The following PLEKHG1 variants were observed in gnomAD, a reference collection of about 807,000 sequenced individuals.
PLEKHG1 encodes the protein pleckstrin homology domain-containing family G member 1.
A neutral mutation model predicts 100.8 loss-of-function variants in PLEKHG1; 44 were observed. The observed-to-expected ratio is 0.44, with a 90% CI of 0.34 to 0.56. The LOEUF is 0.56. PLEKHG1 is among the 20% of genes least tolerant of loss of function. PLEKHG1 has a pLI of 0.01. For missense variants in PLEKHG1, 1,545 were observed against 1,720.9 expected (o/e 0.90, Z 1.81); for synonymous variants, 640 against 662.5 (o/e 0.97, Z 0.52).
At chr6:150,834,064 A>G (rs1371380286) in intron 15 of PLEKHG1, among the ~76,000 whole-genome samples, 3 of 152,220 alleles carry the variant, frequency 2.0e-5, no homozygotes, top group African/African-American at 7.2e-5. Context: ...TTTAATCTTC[A>G]GTACAATTTC....
In PLEKHG1 at chr6:150,651,487, G is replaced by A. The variant is rs1338762958; in HGVS notation, c.-99+701G>A. On this transcript the variant is annotated intron_variant, in intron 3 of 3. Coordinates refer to the PLEKHG1 transcript ENST00000367326. ...GACCTCAAGTGAGCCATCCACCTCG[G>A]CCACCTAAAGTACTGGGATTACAGG... Among the ~76,000 whole-genome samples, 4 of 152,194 alleles carry A rather than the reference G, an allele frequency of 2.6e-5. No homozygotes were observed. In the East Asian group the frequency reaches 7.7e-4, roughly 29 times the overall value.
intron 10 of PLEKHG1, among the ~76,000 whole-genome samples, chr6:150,809,977 G>A (rs782662): frequency 0.23 from 34,998 of 151,190 alleles, 4,517 homozygotes; most frequent in Non-Finnish European, 0.3. Context: ...GCCCAGCAAG[G>A]CATCCTGATA....
chr6:150,805,319 T>C (rs1787008276), intron 7 of PLEKHG1, among the ~76,000 whole-genome samples: 1 of 152,192 alleles, frequency 6.6e-6, no homozygotes, highest in Non-Finnish European at 1.5e-5. Context: ...CTTCTATTAA[T>C]TGCAAATTTA....
At chr6:150,811,296 A>T (rs1463385822) in intron 10 of PLEKHG1, among the ~76,000 whole-genome samples, 1 of 149,612 alleles carries the variant, frequency 6.7e-6, no homozygotes, top group Non-Finnish European at 1.5e-5. Context: ...TAAAGACAGG[A>T]TCTTACTCTG....
At chr6:150,670,876 C>G (rs117322008) in intron 3 of PLEKHG1, among the ~76,000 whole-genome samples, 10 of 151,162 alleles carry the variant, frequency 6.6e-5, no homozygotes, top group East Asian at 5.8e-4. Context: ...CTTGCCCCCC[C>G]CTCCCATTCT....
intron 4 of PLEKHG1, among the ~76,000 whole-genome samples, chr6:150,790,488 A>G (rs1227949368): frequency 6.6e-6 from 1 of 152,208 alleles, no homozygotes; most frequent in Non-Finnish European, 1.5e-5. Flanking sequence ...CACAGCCCCT[A>G]TGGAGAGGAA....
At chr6:150,741,166 A>G (rs1057100582) in intron 2 of PLEKHG1, among the ~76,000 whole-genome samples, 3 of 152,230 alleles carry the variant, frequency 2.0e-5, no homozygotes, top group Non-Finnish European at 4.4e-5. Flanking sequence ...TGAATGTGAT[A>G]TAAATACCTG....
At chr6:150,694,434 T>A (rs1218352537) in intron 3 of PLEKHG1, among the ~76,000 whole-genome samples, 1 of 152,184 alleles carries the variant, frequency 6.6e-6, no homozygotes, top group African/African-American at 2.4e-5. Flanking sequence ...GCACGGCGGC[T>A]CACAGCTATA....
chr6:150,624,183 C>G (rs1351868795), intron 1 of PLEKHG1, among the ~76,000 whole-genome samples: 1 of 152,208 alleles, frequency 6.6e-6, no homozygotes, highest in Non-Finnish European at 1.5e-5. Context: ...ACCTCCTGTT[C>G]CAGGTCTTTC....
intron 15 of PLEKHG1, 27 bp from the exon 17 acceptor site, chr6:150,839,806 T>C: frequency 7.7e-7 from 1 of 1,293,942 alleles, no homozygotes; most frequent in Non-Finnish European, 1.1e-6. Flanking sequence ...CCTGTGTGTA[T>C]TTACTGTTTC....
At chr6:150,615,588 A>T (rs917478093) in intron 1 of PLEKHG1, among the ~76,000 whole-genome samples, 20 of 152,348 alleles carry the variant, frequency 1.3e-4, no homozygotes, top group African/African-American at 4.1e-4. Context: ...TCATAACAGA[A>T]AATACTATAC....
intron 1 of PLEKHG1, among the ~76,000 whole-genome samples, chr6:150,730,610 A>C (rs1241345479): frequency 1.3e-5 from 2 of 152,116 alleles, no homozygotes; most frequent in African/African-American, 4.8e-5. Context: ...GTTATAGAGA[A>C]TATCCAACTT....
rs563875690 is a variant in PLEKHG1 at position 150,746,387 on chromosome 6, C to A, written c.411+12295C>A. The stretch of plus-strand genomic sequence containing the variant: ...ATTATGACTTGTTACAAATAGGTTT[C>A]ACCGCTTCTTCCTCCCCTTTACTCA... On this transcript the variant is annotated intron_variant, in intron 2 of 15. Transcript: ENST00000358517. Among the ~76,000 whole-genome samples, 8 of 152,270 alleles carry A rather than the reference C, an allele frequency of 5.3e-5. No homozygotes were observed. The East Asian group carries it at 1.5e-3, about 29-fold the overall frequency.
At chr6:150,838,539 G>T (rs1180958628) in intron 15 of PLEKHG1, among the ~76,000 whole-genome samples, 1 of 152,146 alleles carries the variant, frequency 6.6e-6, no homozygotes, top group Admixed American at 6.5e-5. Flanking sequence ...AGAGTTTTTT[G>T]ATTCTAGGGT....
intron 12 of PLEKHG1, among the ~76,000 whole-genome samples, chr6:150,820,207 TAA>T (rs1230260107): frequency 7.1e-6 from 1 of 141,424 alleles, no homozygotes; most frequent in Non-Finnish European, 1.6e-5. Context: ...AGACTCTGTC[TAA>T]AAAAAAAAAA....
intron 10 of PLEKHG1, among the ~76,000 whole-genome samples, chr6:150,810,120 A>AC (rs1414846429): frequency 2.6e-5 from 4 of 151,772 alleles, no homozygotes; most frequent in Non-Finnish European, 5.9e-5. Flanking sequence ...ACAAAGTGAT[A>AC]CCCCCATCTC....
chr6:150,798,120 G>A (rs890914479), intron 5 of PLEKHG1, among the ~76,000 whole-genome samples: 4 of 151,996 alleles, frequency 2.6e-5, no homozygotes, highest in Non-Finnish European at 5.9e-5. Context: ...AACATCAGGC[G>A]ATTGCAGGAT....
At chr6:150,781,533 A>G (rs1322522259) in intron 3 of PLEKHG1, among the ~76,000 whole-genome samples, 1 of 151,998 alleles carries the variant, frequency 6.6e-6, no homozygotes, top group African/African-American at 2.4e-5. Context: ...AAAGAAAATC[A>G]GTAAGATTAG....
intron 8 of PLEKHG1, 38 bp downstream of exon 9, chr6:150,809,325 C>G: frequency 6.2e-7 from 1 of 1,609,936 alleles, no homozygotes; most frequent in Non-Finnish European, 8.5e-7. Context: ...GGACTCAGAT[C>G]CCCAGTTCTG....
Sources: gnomAD v4.1 joint callset for allele counts (sites outside exome capture counted in the v4.1 genomes callset) on GRCh38, gnomAD v4.1.1 for gene constraint, MANE v1.5 for transcripts, NCBI Gene and HGNC (gene_info 2026-07-23, HGNC 2026-07-21) for gene names.